Variants in CYFIP2 observed in about 807,000 individuals in gnomAD.
The protein encoded by CYFIP2 is cytoplasmic FMR1 interacting protein 2.
In CYFIP2, 29 loss-of-function variants were observed where a neutral mutation model predicts 158.7. That is an observed-to-expected ratio of 0.18 (90% confidence interval 0.14 to 0.25). CYFIP2 has a LOEUF of 0.25. Ranked by LOEUF, CYFIP2 falls within the 10% of genes least tolerant of loss-of-function variation. The pLI, the probability that CYFIP2 is intolerant of heterozygous loss-of-function variation, is 1.00. For missense variants in CYFIP2, 852 were observed against 1,639.5 expected (o/e 0.52, Z 8.29); for synonymous variants, 585 against 617.6 (o/e 0.95, Z 0.78).
In CYFIP2 at chr5:157,395,420, T is replaced by C; in HGVS notation, c.*2420T>C. The C allele has an allele frequency of 5.3e-6, 2 of 374,148 alleles. No individual in the cohort carries two copies. The highest frequency in any genetic ancestry group is 4.1e-5 in the South Asian group (2 of 48,622). 23.2% of individuals were successfully genotyped at this position (374,148 alleles called of 1,614,324 possible). ...GTTGGGAATTTTTGTACAATGAATT[T>C]ACATTTATTTATGGTGACATATTTA... On this transcript the variant is annotated 3_prime_UTR_variant, in exon 31 of 31. Coordinates refer to ENST00000620254, the MANE Select transcript of CYFIP2 (RefSeq NM_001037333.3).
chr5:157,375,909 A>G (rs1690169098), intron 26 of CYFIP2: 2 of 152,144 alleles, frequency 1.3e-5, no homozygotes, highest in South Asian at 4.1e-4. Flanking sequence ...TGCCATCAGC[A>G]AAGAGACTTG....
rs756866992 is a variant in CYFIP2, at chr5:157,300,711, C to G, written c.388-4C>G. 2 of 1,581,154 alleles carry G rather than the reference C, an allele frequency of 1.3e-6. No individual in the cohort carries two copies. Among genetic ancestry groups the G allele is most frequent in the Non-Finnish European group, 1.7e-6 (2 of 1,162,104 alleles). Reference sequence around the variant, plus strand: ...GACCTTACTCACTGCCCCTCTGCCCCCAGCGCAAGGCCATCGAGCGGTTCT... The same window carrying G: ...GACCTTACTCACTGCCCCTCTGCCCGCAGCGCAAGGCCATCGAGCGGTTCT... On this transcript the variant is annotated splice_polypyrimidine_tract_variant and splice_region_variant and intron_variant, in intron 5 of 30. Coordinates refer to ENST00000620254, the MANE Select transcript of CYFIP2 (RefSeq NM_001037333.3).
At position 157,361,741 on chromosome 5, in the gene CYFIP2, A is replaced by T; in HGVS notation, c.3039+143A>T. 1 of 1,092,782 alleles carries T rather than the reference A, an allele frequency of 9.2e-7. No individual in the cohort carries two copies. Among genetic ancestry groups the T allele is most frequent in the South Asian group, 1.6e-5 (1 of 62,674 alleles). 67.7% of individuals were successfully genotyped at this position (1,092,782 alleles called of 1,614,324 possible). A position where few individuals can be genotyped will look rare whatever the true frequency, so the allele number is the denominator to read the frequency against. ...CTTTTCAGTTCATTTCCAGACAGAC[A>T]TGGATTCTAGTCCTGGCTCCCCCAT... On this transcript the variant is annotated intron_variant, in intron 26 of 30. Coordinates refer to ENST00000620254, the MANE Select transcript of CYFIP2 (RefSeq NM_001037333.3). This position sits in a 1 kb window ranked among gnomAD's most constrained non-coding sequence, Gnocchi z 4.4.
chr5:157,271,635 A>G (rs937160401), intron 1 of CYFIP2: 3 of 152,368 alleles, frequency 2.0e-5, no homozygotes, highest in Admixed American at 1.3e-4. Context: ...TTCACAAGGC[A>G]GGTTTGGACA....
intron 23 of CYFIP2, among the ~76,000 whole-genome samples, chr5:157,357,897 A>G (rs979294498): frequency 4.6e-5 from 7 of 152,200 alleles, no homozygotes; most frequent in Non-Finnish European, 1.5e-5. Context: ...AGTATCATTT[A>G]TATAAGAATT....
intron 1 of CYFIP2, among the ~76,000 whole-genome samples, chr5:157,283,148 A>G (rs1368593397): frequency 6.6e-6 from 1 of 152,230 alleles, no homozygotes; most frequent in Non-Finnish European, 1.5e-5. Context: ...ACCACTTGCC[A>G]GCACTTGATC....
At chr5:157,284,482 T>C (rs537941977) in intron 1 of CYFIP2, among the ~76,000 whole-genome samples, 15 of 152,326 alleles carry the variant, frequency 9.8e-5, no homozygotes, top group Non-Finnish European at 1.9e-4. Flanking sequence ...TTGAAGAAAC[T>C]TGGGGGAACC....
intron 20 of CYFIP2, among the ~76,000 whole-genome samples, chr5:157,331,578 A>T (rs1251378798): frequency 3.3e-5 from 5 of 152,074 alleles, no homozygotes; most frequent in Non-Finnish European, 1.5e-5. Flanking sequence ...AACCCTGGAC[A>T]TTCCCATTAC....
chr5:157,325,032 G>A (rs1027126240), intron 16 of CYFIP2: 2 of 151,992 alleles, frequency 1.3e-5, no homozygotes, highest in African/African-American at 2.4e-5. Flanking sequence ...TAGAGACGGG[G>A]TTTCGCCATG....
intron 23 of CYFIP2, among the ~76,000 whole-genome samples, chr5:157,347,265 C>A (rs1345666495): frequency 6.7e-6 from 1 of 150,132 alleles, no homozygotes; most frequent in Non-Finnish European, 1.5e-5. Context: ...CTTAAGAGTT[C>A]CAGACCAGCC....
chr5:157,393,833 T>C lies in CYFIP2; in HGVS notation c.*833T>C, dbSNP rs1451051518. On this transcript the variant is annotated 3_prime_UTR_variant, in exon 31 of 31. Coordinates refer to ENST00000620254, the MANE Select transcript of CYFIP2 (RefSeq NM_001037333.3). ...GAAGCAGCTTTGAACAAATCAGTCA[T>C]AGCACTGCCTATAGCATTAGCCAGT... The C allele has an allele frequency of 6.6e-6, 1 of 152,170 alleles. No homozygotes were observed. The allele number at this position is 152,170 out of a possible 1,614,324, so 9.4% of individuals were successfully genotyped here.
chr5:157,306,753 GCAC>G (rs1042689555), intron 8 of CYFIP2, among the ~76,000 whole-genome samples: 87 of 152,206 alleles, frequency 5.7e-4, no homozygotes, highest in African/African-American at 2.0e-3. Flanking sequence ...GTGGTGGCGT[GCAC>G]CTGTAGTCAC....
chr5:157,290,596 C>T (rs769144864), intron 3 of CYFIP2, among the ~76,000 whole-genome samples: 7 of 152,184 alleles, frequency 4.6e-5, no homozygotes, highest in Non-Finnish European at 8.8e-5. Context: ...TCACAGGCAC[C>T]AGGGATTAGG....
chr5:157,353,540 A>G (rs1763213004), intron 23 of CYFIP2, among the ~76,000 whole-genome samples: 1 of 152,178 alleles, frequency 6.6e-6, no homozygotes. Context: ...AGACACATAG[A>G]CACATTAGTA....
At chr5:157,386,475 A>C (rs1330879197) in intron 28 of CYFIP2, among the ~76,000 whole-genome samples, 1 of 152,204 alleles carries the variant, frequency 6.6e-6, no homozygotes, top group Non-Finnish European at 1.5e-5. Flanking sequence ...AACAGGCTTC[A>C]CACAGGTAGA....
At chr5:157,330,885 G>T (rs1761403847) in intron 20 of CYFIP2, 35 bp downstream of exon 20, 1 of 1,517,916 alleles carries the variant, frequency 6.6e-7, no homozygotes, top group South Asian at 1.1e-5. Context: ...GAGATGGAAG[G>T]GGCAGGAGAG....
chr5:157,318,662 A>T (rs1760344448), intron 13 of CYFIP2, among the ~76,000 whole-genome samples: 2 of 152,178 alleles, frequency 1.3e-5, no homozygotes, highest in Admixed American at 6.5e-5. Flanking sequence ...GTTCCTTTTC[A>T]ACAGAAAATG....
At chr5:157,379,394 C>A (rs1765810087) in intron 26 of CYFIP2, among the ~76,000 whole-genome samples, 3 of 151,912 alleles carry the variant, frequency 2.0e-5, no homozygotes, top group Non-Finnish European at 2.9e-5. Context: ...TTAAGAGACA[C>A]AAACCGCCAA....
At chr5:157,301,936 G>C (rs995864305) in intron 6 of CYFIP2, among the ~76,000 whole-genome samples, 2 of 152,124 alleles carry the variant, frequency 1.3e-5, no homozygotes, top group African/African-American at 4.8e-5. Context: ...AAAACAGACT[G>C]ATTCTCACAA....
Sources: gnomAD v4.1 joint callset for allele counts (sites outside exome capture counted in the v4.1 genomes callset) on GRCh38, gnomAD v4.1.1 for gene constraint, Gnocchi (gnomAD v3.1) non-coding constraint, MANE v1.5 for transcripts, NCBI Gene and HGNC (gene_info 2026-07-23, HGNC 2026-07-21) for gene names.